Variants in NMUR2 observed in about 807,000 individuals in gnomAD.
NMUR2 encodes the protein neuromedin-U receptor 2.
In NMUR2, 24 loss-of-function variants were observed where a neutral mutation model predicts 25.1. The ratio of observed to expected loss-of-function variants is 0.96; its 90% CI spans 0.69 to 1.34. The LOEUF (loss-of-function observed/expected upper bound fraction) is 1.34. NMUR2 is among the 40% of genes most tolerant of loss of function. NMUR2 has a pLI of 0.00. For missense variants in NMUR2, 533 were observed against 512.8 expected (o/e 1.04, Z -0.38); for synonymous variants, 218 against 208.1 (o/e 1.05, Z -0.41).
intron 1 of NMUR2, among the ~76,000 whole-genome samples, chr5:152,402,685 T>A (rs1753277793): frequency 6.6e-6 from 1 of 152,076 alleles, no homozygotes; most frequent in Non-Finnish European, 1.5e-5. Context: ...TTGGATGAGG[T>A]AATATTAAGT....
intron 1 of NMUR2, among the ~76,000 whole-genome samples, chr5:152,399,230 G>A (rs1369694113): frequency 6.6e-6 from 1 of 152,076 alleles, no homozygotes; most frequent in Non-Finnish European, 1.5e-5. Flanking sequence ...ATATATATTT[G>A]CCCATTAGTT....
chr5:152,403,695 T>C (rs1351396785), intron 1 of NMUR2, among the ~76,000 whole-genome samples: 2 of 148,412 alleles, frequency 1.3e-5, no homozygotes, highest in South Asian at 4.2e-4. Flanking sequence ...GTCATTAATA[T>C]ATATGATTAT....
chr5:152,403,776 A>G (rs1325936972), intron 1 of NMUR2, among the ~76,000 whole-genome samples: 2 of 149,302 alleles, frequency 1.3e-5, no homozygotes, highest in Non-Finnish European at 3.0e-5. Context: ...TAATATATAT[A>G]GTTTTATTTT....
At chr5:152,396,623 C>T (rs930018265) in intron 2 of NMUR2, among the ~76,000 whole-genome samples, 21 of 152,062 alleles carry the variant, frequency 1.4e-4, no homozygotes, top group Admixed American at 2.0e-4. Flanking sequence ...TAATTCCTGA[C>T]GGGCGTGGTG....
Position 152,405,169 on chromosome 5 carries a change from GGA to G in NMUR2, c.-58_-57del. 1.0e-5 allele frequency: 12 copies of G among 1,202,250 alleles called. No individual in the cohort carries two copies. Among genetic ancestry groups the G allele is most frequent in the South Asian group, 5.1e-5 (2 of 39,374 alleles). The allele number at this position is 1,202,250 out of a possible 1,614,324, so 74.5% of individuals were successfully genotyped here. A position where few individuals can be genotyped will look rare whatever the true frequency, so the allele number is the denominator to read the frequency against. The stretch of plus-strand genomic sequence containing the variant: ...CGAGGCTCTGTTTCAAGCTGAGCCA[GGA>G]AAAAAAAAAAAAAAAGAAAAAAGGA... On this transcript the variant is annotated 5_prime_UTR_variant, in exon 1 of 4. Coordinates refer to ENST00000255262, the MANE Select transcript of NMUR2 (RefSeq NM_020167.5).
At chr5:152,400,870 A>C (rs561590704) in intron 1 of NMUR2, among the ~76,000 whole-genome samples, 1 of 151,816 alleles carries the variant, frequency 6.6e-6, no homozygotes, top group South Asian at 2.1e-4. Context: ...AACATCAAAC[A>C]AATAGTTCAC....
intron 3 of NMUR2, 39 bp downstream of exon 3, chr5:152,395,420 T>A: frequency 6.2e-7 from 1 of 1,611,968 alleles, no homozygotes. Flanking sequence ...TGCTGTTACC[T>A]GAATACTAGT....
intron 3 of NMUR2, 55 bp from the exon 4 acceptor site, chr5:152,392,556 T>C (rs1753079685): frequency 4.3e-6 from 6 of 1,393,800 alleles, no homozygotes; most frequent in Non-Finnish European, 6.0e-6. Flanking sequence ...GTGACCGGCA[T>C]GAAGGAAGAA....
chr5:152,404,480 T>C lies in NMUR2; in HGVS notation c.634A>G (p.Ile212Val), dbSNP rs1465318195. The change falls in exon 1 of 4, where the codon ATC (isoleucine) becomes GTC (valine). Residue 212 changes from isoleucine to valine, a missense_variant. By Grantham distance (29) the Ile-to-Val change is conservative. Coordinates refer to ENST00000255262, the MANE Select transcript of NMUR2 (RefSeq NM_020167.5). The stretch of plus-strand genomic sequence containing the variant: ...GTGACCTGGATGATGAAATTGTAGA[T>C]CCACATGGGCTTGATGACCGTACAG... ...ATCTVIKPMW[I>V]YNFIIQVTSF... The C allele has an allele frequency of 1.2e-6, 2 of 1,614,032 alleles. No individual in the cohort carries two copies. Among genetic ancestry groups the C allele is most frequent in the Non-Finnish European group, 1.7e-6 (2 of 1,180,014 alleles).
At chr5:152,400,658 A>G (rs541830043) in intron 1 of NMUR2, among the ~76,000 whole-genome samples, 87 of 152,306 alleles carry the variant, frequency 5.7e-4, no homozygotes, top group African/African-American at 2.1e-3. Flanking sequence ...CTCATCTTAG[A>G]TTAAATCTAT....
rs375957263 is a variant in NMUR2 at position 152,395,539 on chromosome 5, A to G, written c.857T>C (p.Ile286Thr). The change falls in exon 3 of 4, where the codon ATT becomes ACT. Residue 286 changes from isoleucine to threonine, a missense_variant. Transcript: ENST00000255262. ...CACAAAGCTGAAGAAGAGTCGGTCAATGTGGAACGGGGCCCAACAGATAGC... is the reference window on the plus strand; with the variant it reads ...CACAAAGCTGAAGAAGAGTCGGTCAGTGTGGAACGGGGCCCAACAGATAGC... ...VFAICWAPFH[I>T]DRLFFSFVEE... is the part of the protein sequence containing the mutation. The G allele has an allele frequency of 3.7e-5, 59 of 1,613,648 alleles. No homozygotes were observed. The South Asian group carries it at 6.5e-4, about 18-fold the overall frequency.
intron 3 of NMUR2, among the ~76,000 whole-genome samples, chr5:152,393,215 C>T (rs1214546259): frequency 6.6e-6 from 1 of 152,136 alleles, no homozygotes; most frequent in East Asian, 1.9e-4. Context: ...TATCCTGTGG[C>T]CTTAGACAAA....
rs1306138624 is a variant in NMUR2 at position 152,395,569 on chromosome 5, A to G, written c.827T>C (p.Val276Ala). 6.2e-7 allele frequency: 1 copy of G among 1,613,458 alleles called. No individual in the cohort carries two copies. The highest frequency in any genetic ancestry group is 1.3e-5 in the African/African-American group (1 of 74,824). ...GAACGGGGCCCAACAGATAGCAAAC[A>G]CTAAGACCAAGACAACTGAAAATGG... ...VNKMLFVLVLVFAICWAPFHI... is the reference protein window; with the variant it reads ...VNKMLFVLVLAFAICWAPFHI... Residue 276 changes from valine (V) to alanine (A), a missense_variant, in exon 3 of 4, where the codon GTG becomes GCG. Transcript: ENST00000255262.
chr5:152,401,782 C>T (rs895010485), intron 1 of NMUR2, among the ~76,000 whole-genome samples: 7 of 152,060 alleles, frequency 4.6e-5, no homozygotes, highest in African/African-American at 1.4e-4. Context: ...AATGATGCAG[C>T]GTGACTGAAT....
chr5:152,392,745 C>A (rs1753084532), intron 3 of NMUR2, among the ~76,000 whole-genome samples: 1 of 152,174 alleles, frequency 6.6e-6, no homozygotes, highest in Admixed American at 6.6e-5. Context: ...TGGGATCTCT[C>A]TGAGATGTTC....
chr5:152,398,448 T>C (rs1170461579), intron 1 of NMUR2, among the ~76,000 whole-genome samples: 2 of 152,150 alleles, frequency 1.3e-5, no homozygotes, highest in Non-Finnish European at 2.9e-5. Context: ...AATTCTGAAG[T>C]TCAAGAAAAG....
intron 3 of NMUR2, among the ~76,000 whole-genome samples, chr5:152,393,874 C>T (rs944771215): frequency 2.0e-5 from 3 of 151,952 alleles, no homozygotes; most frequent in Non-Finnish European, 4.4e-5. Context: ...TATTCAGGGG[C>T]AGGAATGGCC....
Position 152,405,178 on chromosome 5 carries a change from A to AG in NMUR2, c.-66_-65insC. 2 of 1,492,012 alleles carry AG rather than the reference A, an allele frequency of 1.3e-6. No homozygotes were observed. The highest frequency in any genetic ancestry group is 1.8e-6 in the Non-Finnish European group (2 of 1,121,852). The allele number at this position is 1,492,012 out of a possible 1,614,324, so 92.4% of individuals were successfully genotyped here. On this transcript the variant is annotated 5_prime_UTR_variant, in exon 1 of 4. Transcript: ENST00000255262. ...GTTTCAAGCTGAGCCAGGAAAAAAA[A>AG]AAAAAAAAGAAAAAAGGAAAACAAA...
Position 152,395,712 on chromosome 5 carries a change from T to C in NMUR2, c.812-128A>G, listed in dbSNP as rs535604908. The C allele has an allele frequency of 2.6e-5, 26 of 1,009,942 alleles. No homozygotes were observed. In the Middle Eastern group the frequency reaches 8.0e-4, roughly 31 times the overall value. 62.6% of individuals were successfully genotyped at this position (1,009,942 alleles called of 1,614,324 possible). ...CAACTTTGTTAAGCTATAACAGTTATAGAGGCAAACTAGATCCCAAAGAGT... is the reference window on the plus strand; with the variant it reads ...CAACTTTGTTAAGCTATAACAGTTACAGAGGCAAACTAGATCCCAAAGAGT... On this transcript the variant is annotated intron_variant, in intron 2 of 3. Transcript: ENST00000255262.
Sources: allele counts gnomAD v4.1 joint callset (sites outside exome capture counted in the v4.1 genomes callset), GRCh38; gene constraint gnomAD v4.1.1; transcripts MANE v1.5; gene names NCBI Gene and HGNC (gene_info 2026-07-23, HGNC 2026-07-21).